The following PCDH11X variants were observed in gnomAD, a reference collection of about 807,000 sequenced individuals.
The protein encoded by PCDH11X is protocadherin-11 X-linked.
Under a neutral mutation model 53.3 loss-of-function variants are expected in PCDH11X, and 18 were observed. The ratio of observed to expected loss-of-function variants is 0.34; its 90% CI spans 0.23 to 0.50. PCDH11X has a LOEUF of 0.50. Ranked by LOEUF, PCDH11X falls within the 20% of genes least tolerant of loss-of-function variation. The pLI is 0.98. For missense variants in PCDH11X, 570 were observed against 1,032.4 expected (o/e 0.55, Z 6.14); for synonymous variants, 279 against 393.3 (o/e 0.71, Z 3.44).
chrX:92,370,622 G>C lies in PCDH11X; in HGVS notation c.3145-17113G>C, dbSNP rs2070598026. On this transcript the variant is annotated intron_variant, in intron 8 of 10. Transcript: ENST00000682573. ...TTACAGGCATGTGACACTATGCCCAGCTAATTTTTGTATTTTTAGTAGAGA... is the reference window on the plus strand; with the variant it reads ...TTACAGGCATGTGACACTATGCCCACCTAATTTTTGTATTTTTAGTAGAGA... Among the ~76,000 whole-genome samples, 3 of 109,720 alleles carry C rather than the reference G, an allele frequency of 2.7e-5. No homozygotes were observed. The South Asian group carries it at 1.2e-3, about 43-fold the overall frequency.
At chrX:92,301,692 C>A (rs1335688013) in intron 8 of PCDH11X, among the ~76,000 whole-genome samples, 2 of 107,162 alleles carry the variant, frequency 1.9e-5, no homozygotes, top group Admixed American at 2.0e-4. Flanking sequence ...TTTTGAGAAT[C>A]TGTGTGTTTA....
At chrX:92,300,187 T>C (rs1208699292) in intron 8 of PCDH11X, among the ~76,000 whole-genome samples, 1 of 111,180 alleles carries the variant, frequency 9.0e-6, no homozygotes, top group African/African-American at 3.3e-5. Flanking sequence ...TGTGATTTTT[T>C]AAAATTTGCT....
intron 5 of PCDH11X, among the ~76,000 whole-genome samples, chrX:91,859,175 A>G (rs902643018): frequency 8.9e-6 from 1 of 112,041 alleles, no homozygotes; most frequent in Non-Finnish European, 1.9e-5. Context: ...CTGTCCTGAG[A>G]TAGTATCTCA....
intron 7 of PCDH11X, among the ~76,000 whole-genome samples, chrX:92,237,181 T>G (rs1456313193): frequency 9.0e-6 from 1 of 111,127 alleles, no homozygotes; most frequent in African/African-American, 3.2e-5. Context: ...TTTTAAAAAT[T>G]TATTAATATA....
intron 6 of PCDH11X, among the ~76,000 whole-genome samples, chrX:91,982,113 CT>C (rs2062149029): frequency 1.8e-5 from 2 of 110,828 alleles, no homozygotes; most frequent in African/African-American, 6.6e-5. Flanking sequence ...CACATCCACC[CT>C]CTCCACCCCA....
At chrX:91,809,975 G>A (rs1246823130) in intron 2 of PCDH11X, among the ~76,000 whole-genome samples, 1 of 111,022 alleles carries the variant, frequency 9.0e-6, no homozygotes, top group Non-Finnish European at 1.9e-5. Flanking sequence ...ATTTATATTA[G>A]TATCATTATT....
intron 9 of PCDH11X, among the ~76,000 whole-genome samples, chrX:92,400,310 A>G (rs976440670): frequency 4.5e-5 from 5 of 111,655 alleles, no homozygotes; most frequent in Non-Finnish European, 9.4e-5. Flanking sequence ...AAGCAGATTA[A>G]GAATTCTTCT....
chrX:92,014,276 A>G lies in PCDH11X; in HGVS notation c.3033+135003A>G, dbSNP rs2062749072. On this transcript the variant is annotated intron_variant, in intron 6 of 10. Transcript: ENST00000682573. Reference sequence around the variant, plus strand: ...AGACATTTATGCAGCCAACAGACACATGAAAAAATGCTCATCATCACTGGC... The same window carrying G: ...AGACATTTATGCAGCCAACAGACACGTGAAAAAATGCTCATCATCACTGGC... 2.7e-5 allele frequency among the ~76,000 whole-genome samples: 3 copies of G among 112,332 alleles called. No homozygotes were observed. The Admixed American group carries it at 2.8e-4, about 11-fold the overall frequency.
At chrX:91,990,138 C>T (rs2525284) in intron 6 of PCDH11X, among the ~76,000 whole-genome samples, 1 of 110,752 alleles carries the variant, frequency 9.0e-6, no homozygotes, top group Non-Finnish European at 1.9e-5. Flanking sequence ...ATTTTTTATT[C>T]GAGTTTCCAT....
intron 6 of PCDH11X, among the ~76,000 whole-genome samples, chrX:91,887,070 T>A: frequency 9.2e-6 from 1 of 108,760 alleles, no homozygotes; most frequent in East Asian, 2.9e-4. Context: ...TTTACTAACC[T>A]TGTCATTTCA....
chrX:92,545,400 TTTTTTTTTTTTTTG>T, intron 10 of PCDH11X, among the ~76,000 whole-genome samples: 1 of 91,592 alleles, frequency 1.1e-5, no homozygotes, highest in East Asian at 3.7e-4. Context: ...TTTTTTTTTT[TTTTTTTTTTTTTTG>T]TTTTTGAGGC....
chrX:92,102,147 C>A (rs187318199), intron 6 of PCDH11X, among the ~76,000 whole-genome samples: 123 of 111,087 alleles, frequency 1.1e-3, no homozygotes, highest in African/African-American at 3.9e-3. Flanking sequence ...CGGCCAGGAA[C>A]AACGGTAATT....
At chrX:92,534,186 A>C in intron 10 of PCDH11X, among the ~76,000 whole-genome samples, 1 of 110,409 alleles carries the variant, frequency 9.1e-6, no homozygotes, top group South Asian at 4.0e-4. Context: ...TAACTAGAAT[A>C]AACAGTGTAG....
rs1404031677 is a variant in PCDH11X at position 92,622,890 on chromosome X, A to T, written c.*3950A>T. ...AAAATGTATGTGCACAAATAAAAAA[A>T]ATTAATGGCAATTGTTTAGTGATTG... On this transcript the variant is annotated 3_prime_UTR_variant, in exon 11 of 11. Coordinates refer to ENST00000682573, the MANE Select transcript of PCDH11X (RefSeq NM_032968.5). The T allele has an allele frequency of 9.0e-6, 1 of 111,686 alleles. No individual in the cohort carries two copies. Among genetic ancestry groups the T allele is most frequent in the Admixed American group, 9.6e-5 (1 of 10,435 alleles). The allele number at this position is 111,686 out of a possible 1,213,427, so 9.2% of individuals were successfully genotyped here.
intron 6 of PCDH11X, among the ~76,000 whole-genome samples, chrX:92,021,209 C>A (rs1194368454): frequency 9.0e-6 from 1 of 111,638 alleles, no homozygotes; most frequent in East Asian, 2.8e-4. Context: ...CAGAAGTATA[C>A]TTCAGAAGGC....
At chrX:92,407,884 GT>G (rs1195009236) in intron 9 of PCDH11X, among the ~76,000 whole-genome samples, 1 of 109,979 alleles carries the variant, frequency 9.1e-6, no homozygotes, top group Non-Finnish European at 1.9e-5. Context: ...TTGTTTGTTT[GT>G]TTCTGTTTTT....
chrX:91,821,797 A>G (rs1341664186), intron 4 of PCDH11X, among the ~76,000 whole-genome samples: 31 of 100,532 alleles, frequency 3.1e-4, no homozygotes, highest in Non-Finnish European at 4.3e-4. Flanking sequence ...TCAGTATGAT[A>G]TTGGCTGTGG....
At chrX:92,574,806 T>G (rs145908159) in intron 10 of PCDH11X, among the ~76,000 whole-genome samples, 1,731 of 111,132 alleles carry the variant, frequency 0.016, 26 homozygotes, top group African/African-American at 0.054. Flanking sequence ...TCAACTATAT[T>G]AGATGTTTTG....
intron 7 of PCDH11X, among the ~76,000 whole-genome samples, chrX:92,207,314 A>G (rs1184642692): frequency 9.0e-6 from 1 of 111,348 alleles, no homozygotes; most frequent in Non-Finnish European, 1.9e-5. Context: ...TTTTTTTGTA[A>G]TGTGGCATTT....
Sources: gnomAD v4.1 joint callset for allele counts (sites outside exome capture counted in the v4.1 genomes callset) on GRCh38, gnomAD v4.1.1 for gene constraint, MANE v1.5 for transcripts, NCBI Gene and HGNC (gene_info 2026-07-23, HGNC 2026-07-21) for gene names.